CDH26: variants seen among roughly 807,000 people sequenced by gnomAD.
CDH26 encodes cadherin 26.
A neutral mutation model predicts 90.3 loss-of-function variants in CDH26; 83 were observed. The ratio of observed to expected loss-of-function variants is 0.92; its 90% CI spans 0.77 to 1.10. The LOEUF is 1.10. CDH26 is among the 50% of genes least tolerant of loss of function. The pLI is 0.00. For synonymous variants in CDH26, 397 were observed against 396.3 expected, an observed-to-expected ratio of 1.00 and a Z score of -0.02; for missense variants, 1,013 against 1,037.6, an observed-to-expected ratio of 0.98 and a Z score of 0.33.
In CDH26 at chr20:59,983,082, TG is replaced by T; in HGVS notation, c.541+18del. On this transcript the variant is annotated intron_variant, in intron 5 of 17. Transcript: ENST00000348616. ...AAACCAATCTGCAGGTGTGTGCGGC[TG>T]GGGGGCTGCCGGGCTTCCTTCTGTC... The T allele has an allele frequency of 1.2e-6, 2 of 1,612,198 alleles. No homozygotes were observed. The highest frequency in any genetic ancestry group is 1.7e-6 in the Non-Finnish European group (2 of 1,178,918).
At chr20:60,001,448 T>G (rs2146006166) in intron 15 of CDH26, 37 bp downstream of exon 15, 1 of 1,609,292 alleles carries the variant, frequency 6.2e-7, no homozygotes. Flanking sequence ...TACGGCCATC[T>G]CACTAGTGAC....
At chr20:59,960,188 G>T (rs2061050074) in intron 1 of CDH26, among the ~76,000 whole-genome samples, 1 of 152,154 alleles carries the variant, frequency 6.6e-6, no homozygotes, top group South Asian at 2.1e-4. Context: ...GCCCCCAAAG[G>T]TTCAGGTTGA....
intron 11 of CDH26, 44 bp downstream of exon 11, chr20:59,994,533 G>T (rs767030574): frequency 1.9e-6 from 3 of 1,604,488 alleles, no homozygotes; most frequent in Non-Finnish European, 2.6e-6. Flanking sequence ...GAAAATGCCA[G>T]ATATCCAATT....
Position 59,994,240 on chromosome 20 carries a change from C to G in CDH26, c.1427-10C>G. The G allele has an allele frequency of 6.2e-7, 1 of 1,613,636 alleles. No individual in the cohort carries two copies. The highest frequency in any genetic ancestry group is 8.5e-7 in the Non-Finnish European group (1 of 1,179,870). ...GATAAACAACTCCTGAAACTTCCTC[C>G]CCATACAAGGCTTCCCACCGCAGAC... On this transcript the variant is annotated splice_polypyrimidine_tract_variant and intron_variant, in intron 10 of 17. Coordinates refer to ENST00000348616, the MANE Select transcript of CDH26 (RefSeq NM_177980.4).
intron 5 of CDH26, among the ~76,000 whole-genome samples, chr20:59,983,898 GT>G (rs1280275481): frequency 2.6e-5 from 4 of 152,068 alleles, no homozygotes; most frequent in Admixed American, 2.0e-4. Context: ...ACCCTGTTGT[GT>G]AATATTTTAT....
intron 5 of CDH26, among the ~76,000 whole-genome samples, chr20:59,984,162 T>C (rs1042746262): frequency 6.6e-6 from 1 of 152,248 alleles, no homozygotes; most frequent in African/African-American, 2.4e-5. Context: ...TGTTGGTCTT[T>C]GATAACTATG....
At chr20:59,971,833 T>C (rs2061264597) in intron 3 of CDH26, 129 bp from the exon 4 acceptor site, 1 of 667,142 alleles carries the variant, frequency 1.5e-6, no homozygotes, top group Non-Finnish European at 2.5e-6. Context: ...TGTTTATTTC[T>C]TTGGCAGATG....
chr20:59,996,987 A>G (rs2061606734), intron 13 of CDH26, among the ~76,000 whole-genome samples: 1 of 152,188 alleles, frequency 6.6e-6, no homozygotes, highest in African/African-American at 2.4e-5. Flanking sequence ...CCCATAGGAG[A>G]TATTCATCAA....
chr20:59,996,006 C>CATGTG lies in CDH26; in HGVS notation c.1841_1845dup (p.Gly616MetfsTer120). On this transcript the variant is annotated frameshift_variant, in exon 12 of 18. Transcript: ENST00000348616. LOFTEE classifies it high-confidence loss of function. Reference sequence around the variant, plus strand: ...GCTTGCAGATGCAGAAGTGGGGCTTCATGTGGGGGCCCTGTTCCCTGTCTG... The same window carrying CATGTG: ...GCTTGCAGATGCAGAAGTGGGGCTTCATGTGATGTGGGGGCCCTGTTCCCTGTCTG... 1 of 1,614,044 alleles carries CATGTG rather than the reference C, an allele frequency of 6.2e-7. No individual in the cohort carries two copies.
downstream of CDH26, among the ~76,000 whole-genome samples, chr20:60,017,337 A>C (rs902783363): frequency 2.0e-5 from 3 of 152,128 alleles, no homozygotes; most frequent in African/African-American, 7.2e-5. Flanking sequence ...GATCAATCTT[A>C]GTAGGTTGTA....
At chr20:60,000,667 C>T (rs2061664248) in intron 14 of CDH26, among the ~76,000 whole-genome samples, 1 of 152,186 alleles carries the variant, frequency 6.6e-6, no homozygotes, top group African/African-American at 2.4e-5. Context: ...TCTTGCTTCC[C>T]TATTTTACAG....
intron 1 of CDH26, among the ~76,000 whole-genome samples, chr20:59,967,588 A>G (rs980954311): frequency 6.6e-6 from 1 of 152,170 alleles, no homozygotes; most frequent in Non-Finnish European, 1.5e-5. Context: ...GTGAAAATTT[A>G]CCAGTTGTTT....
chr20:60,019,987 G>A (rs530644134), intron 7 of CDH26, among the ~76,000 whole-genome samples: 1 of 152,344 alleles, frequency 6.6e-6, no homozygotes, highest in Non-Finnish European at 1.5e-5. Flanking sequence ...AGTGATGTTT[G>A]TCTCAGTGGC....
At chr20:60,025,698 T>C (rs2061991580) in intron 7 of CDH26, among the ~76,000 whole-genome samples, 1 of 152,166 alleles carries the variant, frequency 6.6e-6, no homozygotes, top group Non-Finnish European at 1.5e-5. Flanking sequence ...TTTTAAATGT[T>C]TTTAAAAACT....
chr20:59,979,198 A>ATTT (rs548400785), intron 4 of CDH26, among the ~76,000 whole-genome samples: 73 of 123,692 alleles, frequency 5.9e-4, no homozygotes, highest in African/African-American at 1.8e-3. Context: ...TTCTTCTTCT[A>ATTT]TTTTTTTTTT....
downstream of CDH26, among the ~76,000 whole-genome samples, chr20:60,017,932 C>G (rs2061918958): frequency 6.6e-6 from 1 of 151,782 alleles, no homozygotes; most frequent in South Asian, 2.1e-4. Flanking sequence ...TCATCTTGTT[C>G]TTGATTTTTA....
At chr20:60,018,414 A>G (rs745852861), downstream of CDH26, among the ~76,000 whole-genome samples, 2 of 152,060 alleles carry the variant, frequency 1.3e-5, no homozygotes, top group Non-Finnish European at 2.9e-5. Flanking sequence ...TGATATAAGT[A>G]TAGCTACTCC....
intron 3 of CDH26, 34 bp from the exon 4 acceptor site, chr20:59,971,928 C>G (rs771878023): frequency 1.8e-5 from 29 of 1,576,982 alleles, no homozygotes; most frequent in Non-Finnish European, 2.4e-5. Flanking sequence ...TTCTCATCCT[C>G]CTTTTTTCTT....
At chr20:59,962,164 G>A (rs2061084018) in intron 1 of CDH26, among the ~76,000 whole-genome samples, 1 of 152,074 alleles carries the variant, frequency 6.6e-6, no homozygotes, top group Non-Finnish European at 1.5e-5. Flanking sequence ...TAAAAACACT[G>A]GGGGGAAAGG....
Sources: gnomAD v4.1 joint callset for allele counts (sites outside exome capture counted in the v4.1 genomes callset) on GRCh38, gnomAD v4.1.1 for gene constraint, MANE v1.5 for transcripts, NCBI Gene and HGNC (gene_info 2026-07-23, HGNC 2026-07-21) for gene names.